HEPHL1: variants seen among roughly 807,000 people sequenced by gnomAD.
HEPHL1 encodes the protein ferroxidase HEPHL1.
A neutral mutation model predicts 122.0 loss-of-function variants in HEPHL1; 123 were observed. The ratio of observed to expected loss-of-function variants is 1.01; its 90% CI spans 0.87 to 1.17. HEPHL1 has a LOEUF of 1.17. Ranked by LOEUF, HEPHL1 falls within the 50% of genes most tolerant of loss-of-function variation. The probability of loss-of-function intolerance (pLI) is 0.00; values close to 1 mark genes in which losing one functional copy is unlikely to be tolerated. For synonymous variants in HEPHL1, 527 were observed against 508.9 expected (o/e 1.04, Z -0.48); for missense variants, 1,452 against 1,430.5 (o/e 1.01, Z -0.24).
At chr11:94,065,269 T>C (rs2134428315) in intron 4 of HEPHL1, among the ~76,000 whole-genome samples, 1 of 152,318 alleles carries the variant, frequency 6.6e-6, no homozygotes, top group African/African-American at 2.4e-5. Context: ...AGAATTGTTC[T>C]AACCAAGGTA....
In HEPHL1 at chr11:94,032,485, A is replaced by G. The variant is rs557418676; in HGVS notation, c.170+10947A>G. ...AAATTATTTTCTTTTTAATTTTGCT[A>G]TGCTGTAAGCTTCAGTTTACAAATT... On this transcript the variant is annotated intron_variant, in intron 1 of 19. Coordinates refer to ENST00000315765, the MANE Select transcript of HEPHL1 (RefSeq NM_001098672.2). 7.2e-5 allele frequency among the ~76,000 whole-genome samples: 11 copies of G among 152,302 alleles called. No individual in the cohort carries two copies. In the South Asian group the frequency reaches 2.3e-3, roughly 32 times the overall value.
At chr11:94,089,075 C>A (rs996956558) in intron 12 of HEPHL1, 107 bp downstream of exon 12, 14 of 1,025,340 alleles carry the variant, frequency 1.4e-5, no homozygotes, top group Non-Finnish European at 1.9e-5. Flanking sequence ...CTCCACAGTT[C>A]CGGCCGACAG....
chr11:94,098,658 C>T lies in HEPHL1; in HGVS notation c.2435-2537C>T, dbSNP rs187380841. On this transcript the variant is annotated intron_variant, in intron 13 of 19. Coordinates refer to ENST00000315765, the MANE Select transcript of HEPHL1 (RefSeq NM_001098672.2). ...GTCACTTTCAGGTACACCAGTCAGACGCAGATTTGGTCTTTTCACATAGTC... is the reference window on the plus strand; with the variant it reads ...GTCACTTTCAGGTACACCAGTCAGATGCAGATTTGGTCTTTTCACATAGTC... Among the ~76,000 whole-genome samples the T allele has an allele frequency of 3.8e-3, 582 of 152,302 alleles. 2 individuals carry two copies. Among genetic ancestry groups the T allele is most frequent in the Non-Finnish European group, 5.6e-3 (378 of 68,022 alleles).
chr11:94,039,834 A>T (rs1258543068), intron 1 of HEPHL1, among the ~76,000 whole-genome samples: 1 of 127,060 alleles, frequency 7.9e-6, no homozygotes, highest in Non-Finnish European at 1.6e-5. Flanking sequence ...GAGCAAACAC[A>T]TTCAAAAGCT....
chr11:94,021,395 C>A lies in HEPHL1; in HGVS notation c.27C>A (p.Cys9Ter). The part of the protein sequence containing the change: MPRKQPAG[C>*]IFLLTFLGLS... ...TGCCTCGGAAGCAGCCAGCTGGCTG[C>A]ATCTTTCTCCTCACATTCCTGGGTC... Residue 9 changes from cysteine (C) to a stop codon, truncating the protein, a stop_gained, in exon 1 of 20, where the codon TGC becomes TGA. Coordinates refer to ENST00000315765, the MANE Select transcript of HEPHL1 (RefSeq NM_001098672.2). LOFTEE classifies it high-confidence loss of function. The A allele has an allele frequency of 1.2e-6, 2 of 1,613,272 alleles. No homozygotes were observed. Among genetic ancestry groups the A allele is most frequent in the South Asian group, 2.2e-5 (2 of 90,910 alleles).
At chr11:94,032,365 C>T (rs1406280517) in intron 1 of HEPHL1, among the ~76,000 whole-genome samples, 4 of 152,170 alleles carry the variant, frequency 2.6e-5, no homozygotes, top group Non-Finnish European at 5.9e-5. Flanking sequence ...GATTTTATTA[C>T]GTGGTCTGGG....
At chr11:94,061,800 A>G (rs1486352023) in intron 2 of HEPHL1, among the ~76,000 whole-genome samples, 1 of 152,188 alleles carries the variant, frequency 6.6e-6, no homozygotes, top group Non-Finnish European at 1.5e-5. Context: ...AAAACATTGA[A>G]GACATAATTC....
At chr11:94,095,034 C>T (rs866556201) in intron 13 of HEPHL1, among the ~76,000 whole-genome samples, 1 of 152,058 alleles carries the variant, frequency 6.6e-6, no homozygotes, top group Admixed American at 6.6e-5. Flanking sequence ...CTTTTGTTGC[C>T]ATTGCTTTTG....
intron 2 of HEPHL1, among the ~76,000 whole-genome samples, chr11:94,057,101 A>T (rs1945943848): frequency 1.3e-5 from 2 of 152,144 alleles, no homozygotes; most frequent in African/African-American, 4.8e-5. Context: ...TCGAATGTTC[A>T]GATAAGAAGT....
In HEPHL1 at chr11:94,073,150, A is replaced by G. The variant is rs1428272744; in HGVS notation, c.1358A>G (p.His453Arg). 21 of 1,613,074 alleles carry G rather than the reference A, an allele frequency of 1.3e-5. No homozygotes were observed. The highest frequency in any genetic ancestry group is 3.3e-5 in the Admixed American group (2 of 59,864). The change falls in exon 7 of 20, where the codon CAT becomes CGT. Residue 453 changes from histidine to arginine, a missense_variant. Coordinates refer to ENST00000315765, the MANE Select transcript of HEPHL1 (RefSeq NM_001098672.2). ...AAGAGACTCTCTGCTGAAGAAGCCCATCTTGGAATTCTTGGTACAGTAAAA... is the reference window on the plus strand; with the variant it reads ...AAGAGACTCTCTGCTGAAGAAGCCCGTCTTGGAATTCTTGGTACAGTAAAA... ...KRKRLSAEEAHLGILGPVIKA... is the reference protein window; with the variant it reads ...KRKRLSAEEARLGILGPVIKA...
chr11:94,104,864 C>A, intron 16 of HEPHL1, 114 bp downstream of exon 16: 1 of 815,958 alleles, frequency 1.2e-6, no homozygotes, highest in Non-Finnish European at 2.0e-6. Context: ...CCAGGGGCAC[C>A]TGGACTGAAG....
chr11:94,052,787 T>C (rs1052162185), intron 2 of HEPHL1, among the ~76,000 whole-genome samples: 1 of 152,168 alleles, frequency 6.6e-6, no homozygotes. Context: ...ATTAACTAAT[T>C]TTTGGATGTT....
chr11:94,042,642 G>T (rs540240080), intron 1 of HEPHL1, among the ~76,000 whole-genome samples: 1 of 147,802 alleles, frequency 6.8e-6, no homozygotes, highest in East Asian at 2.0e-4. Context: ...ATCAAACACC[G>T]CATATTCTCA....
At chr11:94,073,612 A>G (rs1007960068) in intron 8 of HEPHL1, among the ~76,000 whole-genome samples, 173 bp downstream of exon 8, 13 of 152,056 alleles carry the variant, frequency 8.5e-5, no homozygotes, top group African/African-American at 3.1e-4. Flanking sequence ...AACAATACTC[A>G]CCTCACAGGG....
chr11:94,056,657 T>TA (rs3060401), intron 2 of HEPHL1, among the ~76,000 whole-genome samples: 1 of 111,804 alleles, frequency 8.9e-6, no homozygotes, highest in Non-Finnish European at 2.0e-5. Context: ...CTATTATTGA[T>TA]TATCTATCTA....
chr11:94,034,950 G>T lies in HEPHL1; in HGVS notation c.171-10723G>T, dbSNP rs190595042. 2.9e-4 allele frequency among the ~76,000 whole-genome samples: 44 copies of T among 152,238 alleles called. No individual in the cohort carries two copies. In the East Asian group the frequency reaches 7.9e-3, roughly 27 times the overall value. On this transcript the variant is annotated intron_variant, in intron 1 of 19. Transcript: ENST00000315765. ...GTATGATGAAAAGGAATCAGATATA[G>T]GATCCTTCCAAAATTGTCTTCCCTA... is the stretch of plus-strand genomic sequence containing the variant.
At chr11:94,045,171 G>A (rs1474707981) in intron 1 of HEPHL1, among the ~76,000 whole-genome samples, 4 of 152,162 alleles carry the variant, frequency 2.6e-5, no homozygotes, top group Admixed American at 2.6e-4. Flanking sequence ...GCCTCCCATT[G>A]CTGGGATTAC....
chr11:94,097,542 G>A (rs1405960117), intron 13 of HEPHL1, among the ~76,000 whole-genome samples: 1 of 152,172 alleles, frequency 6.6e-6, no homozygotes, highest in Non-Finnish European at 1.5e-5. Flanking sequence ...TCTGCTTGGT[G>A]CAGAGCTGAG....
chr11:94,063,037 G>T (rs1012249486), intron 2 of HEPHL1, among the ~76,000 whole-genome samples: 1 of 152,120 alleles, frequency 6.6e-6, no homozygotes, highest in African/African-American at 2.4e-5. Flanking sequence ...ATCCCCAGAG[G>T]CAGGAAGAAT....
Sources: gnomAD v4.1 joint callset for allele counts (sites outside exome capture counted in the v4.1 genomes callset) on GRCh38, gnomAD v4.1.1 for gene constraint, MANE v1.5 for transcripts, NCBI Gene and HGNC (gene_info 2026-07-23, HGNC 2026-07-21) for gene names.